The following L3MBTL4 variants were observed in gnomAD, a reference collection of about 807,000 sequenced individuals.
L3MBTL4 encodes the protein lethal(3)malignant brain tumor-like protein 4.
Under a neutral mutation model 84.5 loss-of-function variants are expected in L3MBTL4, and 70 were observed. That is an observed-to-expected ratio of 0.83 (90% confidence interval 0.68 to 1.01). The LOEUF (loss-of-function observed/expected upper bound fraction) is 1.01, where lower values mean the gene tolerates loss of function less well. L3MBTL4 is among the 50% of genes least tolerant of loss of function. The pLI is 0.00. For synonymous variants in L3MBTL4, 274 were observed against 259.8 expected (o/e 1.05, Z -0.52); for missense variants, 715 against 754.8 (o/e 0.95, Z 0.62).
chr18:6,410,464 C>A (rs1349204345), intron 1 of L3MBTL4, among the ~76,000 whole-genome samples: 1 of 152,044 alleles, frequency 6.6e-6, no homozygotes, highest in Non-Finnish European at 1.5e-5. Flanking sequence ...ACAGTGGACA[C>A]CCAACAAAAA....
chr18:6,087,464 G>A (rs1326159498), intron 15 of L3MBTL4, among the ~76,000 whole-genome samples: 1 of 152,140 alleles, frequency 6.6e-6, no homozygotes, highest in Non-Finnish European at 1.5e-5. Flanking sequence ...CTCCTAGGTT[G>A]TCATGCCTGG....
chr18:6,397,940 T>G (rs1353090005), intron 1 of L3MBTL4: 1 of 152,152 alleles, frequency 6.6e-6, no homozygotes, highest in East Asian at 1.9e-4. Context: ...CTGTGTCCAT[T>G]CACTAAACAT....
At chr18:6,355,584 C>T (rs1327949903) in intron 1 of L3MBTL4, among the ~76,000 whole-genome samples, 1 of 152,032 alleles carries the variant, frequency 6.6e-6, no homozygotes, top group Non-Finnish European at 1.5e-5. Context: ...CAGCCAGAAA[C>T]AACTATCTGA....
chr18:5,999,115 T>A (rs1398937820), intron 16 of L3MBTL4, among the ~76,000 whole-genome samples: 5 of 152,206 alleles, frequency 3.3e-5, no homozygotes, highest in African/African-American at 1.2e-4. Flanking sequence ...TTTCTTTCTG[T>A]CTCAGATGTG....
chr18:6,350,357 G>A (rs1343298214), intron 1 of L3MBTL4, among the ~76,000 whole-genome samples: 1 of 152,102 alleles, frequency 6.6e-6, no homozygotes, highest in African/African-American at 2.4e-5. Flanking sequence ...TATCTCATAA[G>A]GGATTAATAT....
In L3MBTL4 at chr18:6,343,803, C is replaced by A. The variant is rs138370023; in HGVS notation, c.-90-31747G>T. 3.1e-3 allele frequency among the ~76,000 whole-genome samples: 467 copies of A among 151,434 alleles called. 4 individuals are homozygous for A. The highest frequency in any genetic ancestry group is 0.011 in the African/African-American group (442 of 41,280). ...CTTAAGCAACATGCTCCTGAATAAC[C>A]AATTGGTCAAATAAGAAACCAAAAG... On this transcript the variant is annotated intron_variant, in intron 1 of 18. Coordinates refer to ENST00000317931, the MANE Select transcript of L3MBTL4 (RefSeq NM_001330559.2).
chr18:6,412,176 C>T (rs2055994579), intron 1 of L3MBTL4, among the ~76,000 whole-genome samples: 1 of 151,972 alleles, frequency 6.6e-6, no homozygotes, highest in Non-Finnish European at 1.5e-5. Context: ...TATGTTGTTC[C>T]CCTTTATGTG....
At chr18:6,044,860 T>A (rs930878054) in intron 16 of L3MBTL4, among the ~76,000 whole-genome samples, 1 of 152,316 alleles carries the variant, frequency 6.6e-6, no homozygotes, top group Admixed American at 6.5e-5. Flanking sequence ...TTCAAATAAC[T>A]AAGCTATTTT....
At chr18:6,032,304 TAAC>T (rs2055854257) in intron 16 of L3MBTL4, 2 of 962,102 alleles carry the variant, frequency 2.1e-6, no homozygotes, top group South Asian at 4.8e-5. Context: ...AAAAAAGAAC[TAAC>T]AACAAGTTAC....
chr18:6,210,921 A>T (rs553757131), intron 12 of L3MBTL4, among the ~76,000 whole-genome samples: 14 of 152,356 alleles, frequency 9.2e-5, no homozygotes, highest in African/African-American at 3.4e-4. Context: ...ACTTGTATCA[A>T]CTAATTACAG....
At chr18:6,184,024 T>C (rs774095722) in intron 12 of L3MBTL4, among the ~76,000 whole-genome samples, 57 of 152,224 alleles carry the variant, frequency 3.7e-4, no homozygotes, top group Admixed American at 5.9e-4. Flanking sequence ...GCCTGCACAA[T>C]AATTTATGTA....
At chr18:6,089,007 G>T (rs2058349759) in intron 15 of L3MBTL4, among the ~76,000 whole-genome samples, 1 of 152,076 alleles carries the variant, frequency 6.6e-6, no homozygotes, top group African/African-American at 2.4e-5. Flanking sequence ...GAATATGACA[G>T]GTATTTTAAC....
intron 16 of L3MBTL4, among the ~76,000 whole-genome samples, chr18:6,042,167 T>C (rs2056431063): frequency 6.6e-6 from 1 of 152,170 alleles, no homozygotes; most frequent in Non-Finnish European, 1.5e-5. Context: ...GATACCTCAC[T>C]AATTCAAAGT....
intron 9 of L3MBTL4, 92 bp downstream of exon 9, chr18:6,239,626 A>G (rs776688928): frequency 2.4e-6 from 3 of 1,263,858 alleles, no homozygotes; most frequent in Non-Finnish European, 3.4e-6. Flanking sequence ...CACTATTAGA[A>G]GAGCAAAAAC....
intron 1 of L3MBTL4, among the ~76,000 whole-genome samples, chr18:6,363,427 A>G (rs2053799576): frequency 2.0e-5 from 3 of 152,312 alleles, no homozygotes; most frequent in South Asian, 2.1e-4. Flanking sequence ...GTTGACAGGG[A>G]AAGTCCACTC....
intron 16 of L3MBTL4, among the ~76,000 whole-genome samples, chr18:5,983,071 T>C (rs537304395): frequency 2.9e-4 from 44 of 152,294 alleles, no homozygotes; most frequent in Non-Finnish European, 4.6e-4. Flanking sequence ...TGATGCGATT[T>C]TGTTAAGGGA....
chr18:5,990,770 G>GGTGTGT lies in L3MBTL4; in HGVS notation c.1445-21214_1445-21209dup, dbSNP rs34551806. ...TTCAAACTTTAGTAGGGTTCATGTGGGTGTGTGTGTGTGTGTGTGTGTGTG... is the reference window on the plus strand; with the variant it reads ...TTCAAACTTTAGTAGGGTTCATGTGGGTGTGTGTGTGTGTGTGTGTGTGTGTGTGTG... On this transcript the variant is annotated intron_variant, in intron 16 of 18. Transcript: ENST00000317931. 5.1e-3 allele frequency among the ~76,000 whole-genome samples: 719 copies of GGTGTGT among 142,362 alleles called. 3 individuals are homozygous for GGTGTGT. Among genetic ancestry groups the GGTGTGT allele is most frequent in the African/African-American group, 0.014 (522 of 38,156 alleles). The allele number at this position is 142,362 out of a possible 152,430, so 93.4% of individuals were successfully genotyped here. A position where few individuals can be genotyped will look rare whatever the true frequency, so the allele number is the denominator to read the frequency against.
intron 13 of L3MBTL4, among the ~76,000 whole-genome samples, chr18:6,164,373 G>A (rs921027624): frequency 6.6e-6 from 1 of 152,242 alleles, no homozygotes; most frequent in African/African-American, 2.4e-5. Flanking sequence ...AGAATGGGCA[G>A]ACTGCATCCT....
chr18:6,071,960 C>T (rs1568067755), intron 16 of L3MBTL4, among the ~76,000 whole-genome samples: 1 of 151,794 alleles, frequency 6.6e-6, no homozygotes, highest in Non-Finnish European at 1.5e-5. Flanking sequence ...AATATAAGGA[C>T]AATGATGGAG....
Sources: gnomAD v4.1 joint callset for allele counts (sites outside exome capture counted in the v4.1 genomes callset) on GRCh38, gnomAD v4.1.1 for gene constraint, MANE v1.5 for transcripts, NCBI Gene and HGNC (gene_info 2026-07-23, HGNC 2026-07-21) for gene names.